The following SEC24A variants were observed in gnomAD, a reference collection of about 807,000 sequenced individuals.
The protein encoded by SEC24A is protein transport protein Sec24A.
A neutral mutation model predicts 129.4 loss-of-function variants in SEC24A; 93 were observed. The observed-to-expected ratio is 0.72, with a 90% CI of 0.61 to 0.85. The LOEUF is 0.85. Among genes scored for constraint, SEC24A ranks in the 40% least tolerant of loss-of-function variants. The pLI is 0.00. For missense variants in SEC24A, 1,264 were observed against 1,307.4 expected, an observed-to-expected ratio of 0.97 and a Z score of 0.51; for synonymous variants, 460 against 467.3, an observed-to-expected ratio of 0.98 and a Z score of 0.20.
In SEC24A at chr5:134,679,815, A is replaced by C. The variant is rs557984922; in HGVS notation, c.1381+87A>C. ...ATACAAATGCACAGTTAAAAAAAAA[A>C]AACCCTTTTATTTACCTCTAGTCAA... On this transcript the variant is annotated intron_variant, in intron 8 of 22. Coordinates refer to ENST00000398844, the MANE Select transcript of SEC24A (RefSeq NM_021982.3). 2.2e-5 allele frequency: 25 copies of C among 1,136,816 alleles called. No homozygotes were observed. In the South Asian group the frequency reaches 6.0e-4, roughly 27 times the overall value. The allele number at this position is 1,136,816 out of a possible 1,614,324, so 70.4% of individuals were successfully genotyped here.
rs76648871 is a variant in SEC24A at position 134,648,956 on chromosome 5, T to A, written c.-121T>A. 6.4e-6 allele frequency: 3 copies of A among 467,236 alleles called. No homozygotes were observed. Among genetic ancestry groups the A allele is most frequent in the African/African-American group, 4.2e-5 (2 of 48,014 alleles). The allele number at this position is 467,236 out of a possible 1,614,324, so 28.9% of individuals were successfully genotyped here. ...GCCTCGGGCTTAATGCGCCCCCCCC[T>A]CTTCTCCCAGTCTTCAGTCTTAAGT... On this transcript the variant is annotated 5_prime_UTR_variant, in exon 1 of 23. Transcript: ENST00000398844.
At chr5:134,689,835 G>A (rs180740634) in intron 11 of SEC24A, among the ~76,000 whole-genome samples, 61 of 151,514 alleles carry the variant, frequency 4.0e-4, no homozygotes, top group African/African-American at 1.4e-3. Context: ...ATTCTCACAC[G>A]TGCTACAATG....
At chr5:134,662,281 AG>A (rs1750497107) in intron 2 of SEC24A, among the ~76,000 whole-genome samples, 2 of 151,918 alleles carry the variant, frequency 1.3e-5, no homozygotes, top group East Asian at 3.9e-4. Context: ...CAGCCTCCCG[AG>A]TAGCTGGGAC....
At chr5:134,666,167 A>G (rs948141355) in intron 2 of SEC24A, among the ~76,000 whole-genome samples, 1 of 152,170 alleles carries the variant, frequency 6.6e-6, no homozygotes, top group East Asian at 1.9e-4. Flanking sequence ...AAACAGGGCA[A>G]TGTATCTACT....
In SEC24A at chr5:134,704,015, G is replaced by A. The variant is rs1314647149; in HGVS notation, c.2440+83G>A. 2.0e-5 allele frequency: 16 copies of A among 812,238 alleles called. No individual in the cohort carries two copies. The East Asian group carries it at 3.7e-4, about 19-fold the overall frequency. 50.3% of individuals were successfully genotyped at this position (812,238 alleles called of 1,614,324 possible). ...TGTCAAAATGGGCTATAAAATACAT[G>A]TAGCATATCTTATGTGTGCTAACTT... On this transcript the variant is annotated intron_variant, in intron 16 of 22. Coordinates refer to ENST00000398844, the MANE Select transcript of SEC24A (RefSeq NM_021982.3).
At position 134,675,292 on chromosome 5, in the gene SEC24A, T is replaced by C. The variant is rs1226630549; in HGVS notation, c.1151+75T>C. 3.8e-6 allele frequency: 4 copies of C among 1,058,318 alleles called. No individual in the cohort carries two copies. The East Asian group carries it at 7.2e-5, about 19-fold the overall frequency. The allele number at this position is 1,058,318 out of a possible 1,614,324, so 65.6% of individuals were successfully genotyped here. A position where few individuals can be genotyped will look rare whatever the true frequency, so the allele number is the denominator to read the frequency against. On this transcript the variant is annotated intron_variant, in intron 6 of 22. Transcript: ENST00000398844. ...TTTGCAGGGGGCACATCAGGTGTTA[T>C]GAATAAGCTGTACAAATTATTAATT...
At chr5:134,659,293 T>C (rs900458672) in intron 1 of SEC24A, among the ~76,000 whole-genome samples, 11 of 152,034 alleles carry the variant, frequency 7.2e-5, no homozygotes, top group South Asian at 2.1e-4. Flanking sequence ...AGGATGGTCT[T>C]GATCTCCTGA....
intron 18 of SEC24A, among the ~76,000 whole-genome samples, chr5:134,711,812 A>G (rs1054109695): frequency 1.3e-5 from 2 of 151,730 alleles, no homozygotes; most frequent in African/African-American, 4.8e-5. Flanking sequence ...CAGTGGCGCA[A>G]TCTTGGCTCA....
intron 11 of SEC24A, among the ~76,000 whole-genome samples, chr5:134,690,811 A>C (rs1276727723): frequency 6.6e-6 from 1 of 152,108 alleles, no homozygotes; most frequent in African/African-American, 2.4e-5. Flanking sequence ...TTGATTTTGC[A>C]GTCCCATTAA....
At chr5:134,674,493 C>T in intron 4 of SEC24A, 122 bp from the exon 5 acceptor site, 3 of 775,480 alleles carry the variant, frequency 3.9e-6, no homozygotes, top group East Asian at 2.8e-5. Context: ...GGTGTGATTG[C>T]ACCACTGCAC....
intron 18 of SEC24A, 122 bp from the exon 19 acceptor site, chr5:134,714,902 A>C: frequency 1.0e-6 from 1 of 988,960 alleles, no homozygotes; most frequent in Non-Finnish European, 1.5e-6. Context: ...TACTTTAAAA[A>C]AATTAACAGT....
chr5:134,697,588 T>A (rs1235006993), intron 14 of SEC24A, among the ~76,000 whole-genome samples: 1 of 152,068 alleles, frequency 6.6e-6, no homozygotes, highest in East Asian at 1.9e-4. Context: ...ATAATATGTA[T>A]ATTTTTTTAA....
Position 134,671,835 on chromosome 5 carries a change from T to C in SEC24A, c.766T>C (p.Ser256Pro), listed in dbSNP as rs1750874219. The change falls in exon 4 of 23, where the codon TCT becomes CCT. Residue 256 changes from serine (S) to proline (P), a missense_variant. By Grantham distance (74) the Ser-to-Pro change is moderately conservative. Transcript: ENST00000398844. ...TATTACATCAAATACCAATAACGGA[T>C]CTATGGTGGTCCACAGTAGTTACGA... ...EGITSNTNNG[S>P]MVVHSSYDEI... 3.1e-6 allele frequency: 5 copies of C among 1,607,822 alleles called. No homozygotes were observed. Among genetic ancestry groups the C allele is most frequent in the Non-Finnish European group, 4.2e-6 (5 of 1,177,364 alleles).
chr5:134,695,252 G>T (rs1013162242), intron 13 of SEC24A, among the ~76,000 whole-genome samples: 1 of 151,946 alleles, frequency 6.6e-6, no homozygotes, highest in African/African-American at 2.4e-5. Flanking sequence ...AGAGCCTATA[G>T]TCCTAGCTAC....
Position 134,648,954 on chromosome 5 carries a change from C to G in SEC24A, c.-123C>G, listed in dbSNP as rs956285573. ...ATGCCTCGGGCTTAATGCGCCCCCC[C>G]CTCTTCTCCCAGTCTTCAGTCTTAA... On this transcript the variant is annotated 5_prime_UTR_variant, in exon 1 of 23. Coordinates refer to ENST00000398844, the MANE Select transcript of SEC24A (RefSeq NM_021982.3). 4.2e-5 allele frequency: 27 copies of G among 646,686 alleles called. No individual in the cohort carries two copies. Among genetic ancestry groups the G allele is most frequent in the African/African-American group, 5.6e-5 (3 of 53,548 alleles). The allele number at this position is 646,686 out of a possible 1,614,324, so 40.1% of individuals were successfully genotyped here.
At chr5:134,701,592 C>T (rs1034941088) in intron 15 of SEC24A, among the ~76,000 whole-genome samples, 1 of 151,748 alleles carries the variant, frequency 6.6e-6, no homozygotes, top group African/African-American at 2.4e-5. Flanking sequence ...CTCACTGCAA[C>T]CTTCGCCTCC....
chr5:134,716,044 T>A (rs1752467884), intron 19 of SEC24A, among the ~76,000 whole-genome samples: 1 of 152,190 alleles, frequency 6.6e-6, no homozygotes, highest in Non-Finnish European at 1.5e-5. Flanking sequence ...CTCTAAGTTG[T>A]AACATTGTTT....
At chr5:134,713,916 C>G (rs1752404120) in intron 18 of SEC24A, among the ~76,000 whole-genome samples, 1 of 151,290 alleles carries the variant, frequency 6.6e-6, no homozygotes, top group South Asian at 2.1e-4. Flanking sequence ...GTGTCGCGCA[C>G]CTGTAATCCC....
At chr5:134,711,329 G>C (rs1035988359) in intron 18 of SEC24A, among the ~76,000 whole-genome samples, 1 of 151,498 alleles carries the variant, frequency 6.6e-6, no homozygotes. Flanking sequence ...AATTAAAAAA[G>C]AAACAACTCA....
Sources: gnomAD v4.1 joint callset for allele counts (sites outside exome capture counted in the v4.1 genomes callset) on GRCh38, gnomAD v4.1.1 for gene constraint, MANE v1.5 for transcripts, NCBI Gene and HGNC (gene_info 2026-07-23, HGNC 2026-07-21) for gene names.